OSBPL10: variants seen among roughly 807,000 people sequenced by gnomAD.
OSBPL10 encodes oxysterol binding protein like 10, also known as oxysterol-binding protein-related protein 10.
A neutral mutation model predicts 81.7 loss-of-function variants in OSBPL10; 49 were observed. The observed-to-expected ratio is 0.60, with a 90% CI of 0.48 to 0.76. OSBPL10 has a LOEUF of 0.76. Among genes scored for constraint, OSBPL10 ranks in the 30% least tolerant of loss-of-function variants. The pLI, the probability that OSBPL10 is intolerant of heterozygous loss-of-function variation, is 0.00. For missense variants in OSBPL10, 923 were observed against 987.8 expected, an observed-to-expected ratio of 0.93 and a Z score of 0.88; for synonymous variants, 419 against 383.6, an observed-to-expected ratio of 1.09 and a Z score of -1.08.
At chr3:31,697,602 T>C (rs1695765200) in intron 7 of OSBPL10, among the ~76,000 whole-genome samples, 1 of 152,196 alleles carries the variant, frequency 6.6e-6, no homozygotes, top group Non-Finnish European at 1.5e-5. Flanking sequence ...TAATAATAAT[T>C]ATTCTAGCTG....
At chr3:31,676,677 G>C (rs1700484698) in intron 8 of OSBPL10, among the ~76,000 whole-genome samples, 2 of 152,222 alleles carry the variant, frequency 1.3e-5, no homozygotes, top group African/African-American at 4.8e-5. Flanking sequence ...CAATCATGTT[G>C]CTTCCTCTCA....
At chr3:31,764,735 A>C (rs1698147573) in intron 4 of OSBPL10, among the ~76,000 whole-genome samples, 1 of 152,184 alleles carries the variant, frequency 6.6e-6, no homozygotes, top group South Asian at 2.1e-4. Flanking sequence ...AGGGTGGAGC[A>C]TTTTAACTGC....
intron 2 of OSBPL10, among the ~76,000 whole-genome samples, chr3:32,011,185 AC>A: frequency 6.6e-6 from 1 of 151,984 alleles, no homozygotes; most frequent in East Asian, 1.9e-4. Flanking sequence ...ACTGGGAGGC[AC>A]CCCCCAGTAG....
chr3:31,682,542 C>A (rs1287597780), intron 8 of OSBPL10, among the ~76,000 whole-genome samples: 1 of 152,236 alleles, frequency 6.6e-6, no homozygotes, highest in Non-Finnish European at 1.5e-5. Flanking sequence ...TGCCTTACCC[C>A]TCTTTGCCCG....
intron 2 of OSBPL10, among the ~76,000 whole-genome samples, chr3:32,036,221 T>A (rs1276513387): frequency 6.6e-6 from 1 of 152,164 alleles, no homozygotes; most frequent in Non-Finnish European, 1.5e-5. Context: ...CTAATCTTTT[T>A]AATTTTTAGT....
intron 4 of OSBPL10, among the ~76,000 whole-genome samples, chr3:31,803,723 CTAT>C (rs1049464940): frequency 1.3e-5 from 2 of 152,132 alleles, no homozygotes; most frequent in African/African-American, 4.8e-5. Context: ...TTGCATTTGA[CTAT>C]TATATCTCCT....
chr3:31,740,001 T>C (rs1313819452), intron 5 of OSBPL10, among the ~76,000 whole-genome samples: 1 of 152,156 alleles, frequency 6.6e-6, no homozygotes, highest in Non-Finnish European at 1.5e-5. Flanking sequence ...AGTGCCTCTT[T>C]CATCTCACCC....
At chr3:31,755,355 T>G (rs371919431) in intron 4 of OSBPL10, among the ~76,000 whole-genome samples, 1 of 152,344 alleles carries the variant, frequency 6.6e-6, no homozygotes, top group East Asian at 1.9e-4. Context: ...CACTTCCAAG[T>G]TGAAGACTGC....
At chr3:31,668,264 T>A (rs1207833264) in intron 10 of OSBPL10, among the ~76,000 whole-genome samples, 2 of 152,332 alleles carry the variant, frequency 1.3e-5, no homozygotes, top group African/African-American at 2.4e-5. Context: ...TTAATTTTTT[T>A]AATAATATTG....
intron 6 of OSBPL10, 121 bp downstream of exon 6, chr3:31,733,136 T>TC: frequency 7.2e-7 from 1 of 1,385,484 alleles, no homozygotes; most frequent in Non-Finnish European, 9.9e-7. Context: ...AGGCAATTCT[T>TC]CCATTTTTTA....
chr3:31,699,872 T>G (rs1277037891), intron 7 of OSBPL10, among the ~76,000 whole-genome samples: 1 of 152,228 alleles, frequency 6.6e-6, no homozygotes. Context: ...GAAGAAGATT[T>G]TCTCTCCAGG....
chr3:31,982,919 A>G (rs571947555), upstream of OSBPL10, among the ~76,000 whole-genome samples: 1 of 152,350 alleles, frequency 6.6e-6, no homozygotes, highest in African/African-American at 2.4e-5. Context: ...GAATGTGAAC[A>G]GAAGTAATGA....
intron 3 of OSBPL10, among the ~76,000 whole-genome samples, chr3:31,844,872 A>G (rs891925266): frequency 6.6e-6 from 1 of 152,184 alleles, no homozygotes; most frequent in African/African-American, 2.4e-5. Context: ...CTATGAGTTC[A>G]AGACCAGCCT....
intron 3 of OSBPL10, among the ~76,000 whole-genome samples, chr3:31,838,220 A>T (rs982864051): frequency 3.3e-5 from 5 of 152,286 alleles, no homozygotes; most frequent in Admixed American, 3.3e-4. Flanking sequence ...AAAAAAGCTC[A>T]TATATTGTGG....
chr3:31,905,015 T>C lies in OSBPL10; in HGVS notation c.282-25185A>G, dbSNP rs144396435. 2.2e-4 allele frequency among the ~76,000 whole-genome samples: 33 copies of C among 152,318 alleles called. No homozygotes were observed. In the East Asian group the frequency reaches 5.6e-3, roughly 26 times the overall value. ...TATAAGCAACAAAGGAATCGAGTAA[T>C]AGAAGTATCTACCTCACAGGACTTC... On this transcript the variant is annotated intron_variant, in intron 1 of 11. Coordinates refer to ENST00000396556, the MANE Select transcript of OSBPL10 (RefSeq NM_017784.5).
intron 4 of OSBPL10, among the ~76,000 whole-genome samples, chr3:31,822,521 AATTTT>A (rs1700002931): frequency 6.6e-6 from 1 of 152,180 alleles, no homozygotes; most frequent in Admixed American, 6.5e-5. Context: ...AGCAAGGAAG[AATTTT>A]ATTAAAATCA....
At chr3:31,666,487 G>C (rs1700193649) in intron 10 of OSBPL10, among the ~76,000 whole-genome samples, 1 of 152,174 alleles carries the variant, frequency 6.6e-6, no homozygotes, top group Non-Finnish European at 1.5e-5. Flanking sequence ...CTGCAGGGAA[G>C]GCCTAGCACA....
chr3:32,032,470 A>G (rs1486272051), intron 2 of OSBPL10, among the ~76,000 whole-genome samples: 1 of 152,108 alleles, frequency 6.6e-6, no homozygotes. Flanking sequence ...ATGACAAAAA[A>G]CAATAAAATG....
intron 3 of OSBPL10, among the ~76,000 whole-genome samples, chr3:31,860,854 G>T (rs1329545622): frequency 2.1e-5 from 3 of 141,118 alleles, no homozygotes; most frequent in Non-Finnish European, 4.5e-5. Context: ...GGGGTTTTTT[G>T]GGGTTTTTTT....
Sources: allele counts gnomAD v4.1 joint callset (sites outside exome capture counted in the v4.1 genomes callset), GRCh38; gene constraint gnomAD v4.1.1; transcripts MANE v1.5; gene names NCBI Gene and HGNC (gene_info 2026-07-23, HGNC 2026-07-21).